CELF2: variants seen among roughly 807,000 people sequenced by gnomAD.
The protein encoded by CELF2 is CUGBP Elav-like family member 2.
A neutral mutation model predicts 62.6 loss-of-function variants in CELF2; 8 were observed. The observed-to-expected ratio is 0.13, with a 90% CI of 0.07 to 0.23. The LOEUF (loss-of-function observed/expected upper bound fraction) is 0.23. Among genes scored for constraint, CELF2 ranks in the 10% least tolerant of loss-of-function variants. The probability of loss-of-function intolerance (pLI) is 1.00; values close to 1 mark genes in which losing one functional copy is unlikely to be tolerated. For missense variants in CELF2, 333 were observed against 671.0 expected, an observed-to-expected ratio of 0.50 and a Z score of 5.56; for synonymous variants, 258 against 250.0, an observed-to-expected ratio of 1.03 and a Z score of -0.30.
chr10:10,687,135 G>C, the CELF2 span, among the ~76,000 whole-genome samples: 1 of 152,188 alleles, frequency 6.6e-6, no homozygotes, highest in Non-Finnish European at 1.5e-5. Context: ...TCACCAAAGA[G>C]TCTCTTGTGG....
intron 1 of CELF2, among the ~76,000 whole-genome samples, chr10:11,134,708 A>G (rs2060159306): frequency 6.6e-6 from 1 of 152,162 alleles, no homozygotes; most frequent in South Asian, 2.1e-4. Flanking sequence ...CTTGTTTGTA[A>G]GGATTAGTGC....
the CELF2 span, among the ~76,000 whole-genome samples, chr10:10,603,784 TACACACACAC>T: frequency 1.3e-5 from 2 of 148,446 alleles, no homozygotes; most frequent in Admixed American, 1.3e-4. Flanking sequence ...TATTTACACA[TACACACACAC>T]ACACACACAC....
chr10:10,964,152 T>C lies in CELF2; in HGVS notation c.89+44153T>C, dbSNP rs538048849. 7.2e-5 allele frequency among the ~76,000 whole-genome samples: 11 copies of C among 152,336 alleles called. 1 individual carries two copies. The highest frequency in any genetic ancestry group is 3.9e-4 in the Admixed American group (6 of 15,300). ...CTATTTTGCAATTATTGGACAAGTT[T>C]GTAGTTAAACTCTCCTTTGAAAGCC... On this transcript the variant is annotated intron_variant, in intron 2 of 13. Transcript: ENST00000636488.
the CELF2 span, among the ~76,000 whole-genome samples, chr10:10,751,442 G>A: frequency 2.0e-5 from 3 of 152,358 alleles, no homozygotes; most frequent in Admixed American, 2.0e-4. Flanking sequence ...GAAGGGCACA[G>A]AATGATAACT....
chr10:10,855,935 A>C (rs1306937905), intron 1 of CELF2, among the ~76,000 whole-genome samples: 1 of 152,214 alleles, frequency 6.6e-6, no homozygotes, highest in African/African-American at 2.4e-5. Flanking sequence ...GAACAAAAGA[A>C]ATAAAAAGCA....
intron 5 of CELF2, among the ~76,000 whole-genome samples, chr10:11,261,965 G>A (rs1041892279): frequency 6.6e-6 from 1 of 151,972 alleles, no homozygotes. Flanking sequence ...AGTCAGCCTG[G>A]GCTATTTAGG....
the CELF2 span, among the ~76,000 whole-genome samples, chr10:10,651,108 A>G: frequency 6.8e-6 from 1 of 147,566 alleles, no homozygotes; most frequent in Non-Finnish European, 1.5e-5. Context: ...GAAAGGGGTG[A>G]CGGATGCACC....
the CELF2 span, among the ~76,000 whole-genome samples, chr10:10,590,826 CT>C: frequency 6.6e-6 from 1 of 152,166 alleles, no homozygotes; most frequent in African/African-American, 2.4e-5. Flanking sequence ...CTGGGCATTT[CT>C]TTTTTTCTGC....
upstream of CELF2, among the ~76,000 whole-genome samples, chr10:11,001,985 T>C (rs12412479): frequency 0.02 from 3,005 of 152,316 alleles, 52 homozygotes; most frequent in Non-Finnish European, 0.034. Context: ...AGTCAGAAAC[T>C]GCTTAAGCAA....
the CELF2 span, among the ~76,000 whole-genome samples, chr10:10,752,938 G>A: frequency 0.056 from 8,553 of 151,902 alleles, 308 homozygotes; most frequent in South Asian, 0.14. Flanking sequence ...TATTGCACAC[G>A]TTTACATATA....
At chr10:10,475,689 T>C in the CELF2 span, among the ~76,000 whole-genome samples, 1 of 152,026 alleles carries the variant, frequency 6.6e-6, no homozygotes, top group African/African-American at 2.4e-5. Context: ...TCCTCATAGG[T>C]AATTTGAGGC....
chr10:10,733,697 A>G, the CELF2 span, among the ~76,000 whole-genome samples: 1,439 of 152,292 alleles, frequency 9.4e-3, 24 homozygotes, highest in African/African-American at 0.033. Context: ...AAGTGAAAGG[A>G]GTTTCCCCTT....
At chr10:10,929,779 G>A (rs2065887558) in intron 2 of CELF2, 1 of 152,200 alleles carries the variant, frequency 6.6e-6, no homozygotes, top group African/African-American at 2.4e-5. Context: ...CATGTTAGTT[G>A]AAATTTGAGG....
intron 1 of CELF2, among the ~76,000 whole-genome samples, chr10:10,904,555 CTACCTCATTCTTTCTAACCA>C (rs1263167615): frequency 6.6e-6 from 1 of 152,152 alleles, no homozygotes; most frequent in African/African-American, 2.4e-5. Context: ...ATATAGAAGT[CTACCTCATTCTTTCTAACCA>C]CTCCCTAGAT....
Position 11,165,371 on chromosome 10 carries a change from G to A in CELF2, c.75-115G>A, listed in dbSNP as rs533082999. ...ATTTCTACGACTCATTAGGCACTTT[G>A]CCACTGCTCTTCTTCCTCCTCCTTC... is the stretch of plus-strand genomic sequence containing the variant. On this transcript the variant is annotated intron_variant, in intron 1 of 12. Transcript: ENST00000633077. The surrounding 1 kb of genome is among the most constrained non-coding windows in gnomAD (Gnocchi z 7.4). The A allele has an allele frequency of 3.6e-5, 55 of 1,513,702 alleles. No individual in the cohort carries two copies. In the South Asian group the frequency reaches 6.4e-4, roughly 18 times the overall value. 93.8% of individuals were successfully genotyped at this position (1,513,702 alleles called of 1,614,324 possible). A position where few individuals can be genotyped will look rare whatever the true frequency, so the allele number is the denominator to read the frequency against.
chr10:11,005,549 G>T lies in CELF2; in HGVS notation c.53+109G>T. 1.3e-6 allele frequency: 2 copies of T among 1,521,674 alleles called. No homozygotes were observed. Among genetic ancestry groups the T allele is most frequent in the Non-Finnish European group, 9.1e-7 (1 of 1,102,722 alleles). The allele number at this position is 1,521,674 out of a possible 1,614,324, so 94.3% of individuals were successfully genotyped here. On this transcript the variant is annotated intron_variant, in intron 1 of 12. Coordinates refer to the CELF2 transcript ENST00000416382. This position sits in a 1 kb window ranked among gnomAD's most constrained non-coding sequence, Gnocchi z 4.3. ...GTAGCTTCCTTACCTTAGAAGAGAA[G>T]GGGGGAAAAAGAATCTAAAGAGGAA...
At position 11,087,920 on chromosome 10, in the gene CELF2, A is replaced by C. The variant is rs141933653; in HGVS notation, c.74+69757A>C. Reference sequence around the variant, plus strand: ...CTCGCATACTATACATGTTTCTTAAATGTTGGAGTAGAAGATGATTAACTG... The same window carrying C: ...CTCGCATACTATACATGTTTCTTAACTGTTGGAGTAGAAGATGATTAACTG... On this transcript the variant is annotated intron_variant, in intron 1 of 12. Transcript: ENST00000633077. 1.4e-4 allele frequency among the ~76,000 whole-genome samples: 21 copies of C among 152,330 alleles called. No homozygotes were observed. In the East Asian group the frequency reaches 4.0e-3, roughly 29 times the overall value.
chr10:10,664,217 A>G, the CELF2 span, among the ~76,000 whole-genome samples: 1 of 152,224 alleles, frequency 6.6e-6, no homozygotes, highest in Admixed American at 6.5e-5. Flanking sequence ...AATGGTTATA[A>G]CAATATTTAT....
At chr10:10,751,550 T>C in the CELF2 span, among the ~76,000 whole-genome samples, 4 of 152,204 alleles carry the variant, frequency 2.6e-5, no homozygotes, top group East Asian at 1.9e-4. Context: ...TTTTCTCTGA[T>C]AGTCCCTTTA....
Sources: allele counts gnomAD v4.1 joint callset (sites outside exome capture counted in the v4.1 genomes callset), GRCh38; gene constraint gnomAD v4.1.1; non-coding constraint Gnocchi (gnomAD v3.1); transcripts MANE v1.5; gene names NCBI Gene and HGNC (gene_info 2026-07-23, HGNC 2026-07-21).